The following HOMER2 variants were observed in gnomAD, a reference collection of about 807,000 sequenced individuals.
HOMER2 encodes homer protein homolog 2.
In HOMER2, 27 loss-of-function variants were observed where a neutral mutation model predicts 47.0. That is an observed-to-expected ratio of 0.57 (90% CI 0.42 to 0.79). The LOEUF is 0.79. HOMER2 is among the 30% of genes least tolerant of loss of function. HOMER2 has a pLI of 0.00. For missense variants in HOMER2, 443 were observed against 435.0 expected, an observed-to-expected ratio of 1.02 and a Z score of -0.16; for synonymous variants, 161 against 163.8, an observed-to-expected ratio of 0.98 and a Z score of 0.13.
intron 1 of HOMER2, among the ~76,000 whole-genome samples, chr15:82,908,149 G>C (rs192372235): frequency 2.2e-5 from 3 of 139,394 alleles, no homozygotes; most frequent in Non-Finnish European, 4.8e-5. Flanking sequence ...TGACTTTCAG[G>C]GGGAATGAAA....
intron 1 of HOMER2, among the ~76,000 whole-genome samples, chr15:82,950,645 A>C (rs1198964939): frequency 6.6e-6 from 1 of 152,200 alleles, no homozygotes; most frequent in African/African-American, 2.4e-5. Context: ...ATCTATTAAA[A>C]ATGGCAGAGG....
At chr15:82,848,078 GCTCCAGAT>G (rs1190899723), downstream of HOMER2, among the ~76,000 whole-genome samples, 1 of 152,156 alleles carries the variant, frequency 6.6e-6, no homozygotes. Flanking sequence ...GTGCCTTGGT[GCTCCAGAT>G]GCCCAGCCTT....
intron 1 of HOMER2, 41 bp from the exon 2 acceptor site, chr15:82,892,882 C>G: frequency 7.1e-7 from 1 of 1,417,964 alleles, no homozygotes; most frequent in Non-Finnish European, 9.4e-7. Flanking sequence ...GAGAACATGA[C>G]TTAATGTATA....
At chr15:82,955,069 C>G (rs571022099), upstream of HOMER2, among the ~76,000 whole-genome samples, 8 of 152,258 alleles carry the variant, frequency 5.3e-5, no homozygotes, top group East Asian at 1.5e-3. Context: ...TGCCACCGTG[C>G]CCGGCCCATT....
chr15:82,979,930 G>A (rs1279542436), intron 1 of HOMER2, among the ~76,000 whole-genome samples: 1 of 152,044 alleles, frequency 6.6e-6, no homozygotes, highest in African/African-American at 2.4e-5. Flanking sequence ...GATATCCATT[G>A]AGTCATCAGA....
exon 2 of HOMER2, chr15:82,841,353 C>G (rs1385579740): frequency 6.6e-6 from 1 of 152,098 alleles, no homozygotes; most frequent in Non-Finnish European, 1.5e-5. Flanking sequence ...GCCAGTTGAT[C>G]ATCTTGACAG....
At chr15:82,973,100 T>G (rs766760032) in intron 1 of HOMER2, among the ~76,000 whole-genome samples, 6 of 152,254 alleles carry the variant, frequency 3.9e-5, no homozygotes, top group Non-Finnish European at 8.8e-5. Context: ...TCTTGAACCC[T>G]GACAGGCTCC....
chr15:82,843,525 A>G (rs953151435), exon 2 of HOMER2: 5 of 151,300 alleles, frequency 3.3e-5, no homozygotes, highest in African/African-American at 1.2e-4. Flanking sequence ...CCATTAAAAA[A>G]AAAAAAAAAA....
At chr15:82,971,816 T>C (rs2029998353) in intron 1 of HOMER2, among the ~76,000 whole-genome samples, 1 of 152,190 alleles carries the variant, frequency 6.6e-6, no homozygotes, top group African/African-American at 2.4e-5. Context: ...CAGCCAATAG[T>C]AATATTATGA....
intron 4 of HOMER2, among the ~76,000 whole-genome samples, chr15:82,863,537 T>C (rs554188438): frequency 2.6e-5 from 4 of 152,266 alleles, no homozygotes; most frequent in African/African-American, 9.6e-5. Context: ...CTAAGTATTC[T>C]CTCCTGAAGT....
chr15:82,942,549 A>G (rs2054287370), intron 1 of HOMER2, among the ~76,000 whole-genome samples: 1 of 152,200 alleles, frequency 6.6e-6, no homozygotes, highest in Non-Finnish European at 1.5e-5. Context: ...GATGTCCATC[A>G]CTGTGTTCCG....
chr15:82,860,091 T>C (rs2667376), intron 4 of HOMER2, among the ~76,000 whole-genome samples: 97,734 of 151,644 alleles, frequency 0.64, 31,578 homozygotes, highest in East Asian at 0.71. Context: ...CTACTAAAAA[T>C]ACAAAAGTTA....
chr15:82,955,204 C>G (rs2054577006), upstream of HOMER2, among the ~76,000 whole-genome samples: 1 of 138,482 alleles, frequency 7.2e-6, no homozygotes, highest in Non-Finnish European at 1.5e-5. Context: ...GAGTCTCACT[C>G]TGTTGCCCAG....
rs74364402 is a variant in HOMER2 at position 82,928,361 on chromosome 15, T to G, written c.5+24170A>C. 2.3e-3 allele frequency among the ~76,000 whole-genome samples: 350 copies of G among 152,324 alleles called. 2 individuals carry two copies. The highest frequency in any genetic ancestry group is 7.7e-3 in the African/African-American group (318 of 41,568). ...GGTTTCTGTTTCCGCCATGCAAATATTTAATTGCATGGATGTAGGGGGAAA... is the reference window on the plus strand; with the variant it reads ...GGTTTCTGTTTCCGCCATGCAAATAGTTAATTGCATGGATGTAGGGGGAAA... On this transcript the variant is annotated intron_variant, in intron 1 of 8. Coordinates refer to ENST00000450735, the MANE Select transcript of HOMER2 (RefSeq NM_004839.4).
chr15:82,924,423 G>C (rs1358800347), intron 1 of HOMER2, among the ~76,000 whole-genome samples: 1 of 150,778 alleles, frequency 6.6e-6, no homozygotes, highest in Non-Finnish European at 1.5e-5. Flanking sequence ...CATGCACCAG[G>C]GACATGTCAC....
intron 5 of HOMER2, among the ~76,000 whole-genome samples, chr15:82,856,369 T>A (rs993055971): frequency 2.4e-4 from 37 of 152,112 alleles, no homozygotes; most frequent in African/African-American, 8.7e-4. Context: ...TCCCAGCACT[T>A]TGGGAGGCCA....
intron 1 of HOMER2, among the ~76,000 whole-genome samples, chr15:82,903,670 C>A (rs2053200727): frequency 6.6e-6 from 1 of 152,038 alleles, no homozygotes; most frequent in Non-Finnish European, 1.5e-5. Flanking sequence ...AACACACACA[C>A]ACACACACGC....
At chr15:82,893,329 CTTTTTTTTTT>C (rs771392216) in intron 1 of HOMER2, among the ~76,000 whole-genome samples, 2 of 118,960 alleles carry the variant, frequency 1.7e-5, no homozygotes, top group African/African-American at 3.2e-5. Flanking sequence ...ATAATTTTAT[CTTTTTTTTTT>C]TTTTTTTTTT....
chr15:82,980,905 A>T (rs1157412256), intron 1 of HOMER2, among the ~76,000 whole-genome samples: 1 of 152,196 alleles, frequency 6.6e-6, no homozygotes, highest in African/African-American at 2.4e-5. Context: ...GAGAAGTATA[A>T]ACTGCAGATG....
Sources: allele counts gnomAD v4.1 joint callset (sites outside exome capture counted in the v4.1 genomes callset), GRCh38; gene constraint gnomAD v4.1.1; transcripts MANE v1.5; gene names NCBI Gene and HGNC (gene_info 2026-07-23, HGNC 2026-07-21).